The following ZNF488 variants were observed in gnomAD, a reference collection of about 807,000 sequenced individuals.
ZNF488 encodes zinc finger protein 488.
In ZNF488, 1 loss-of-function variant was observed where a neutral mutation model predicts 1.2. That is an observed-to-expected ratio of 0.86 (90% CI 0.30 to 4.07). The LOEUF is 4.07. ZNF488 is among the 30% of genes most tolerant of loss of function. ZNF488 has a pLI of 0.18. For synonymous variants in ZNF488, 185 were observed against 190.1 expected (o/e 0.97, Z 0.22); for missense variants, 450 against 437.9 (o/e 1.03, Z -0.25).
chr10:47,368,623 C>T lies in ZNF488; in HGVS notation c.207G>A (p.Val69=). ...CCAACAGTGCCAGCTCCGCACTGCC[C>T]ACATCCCGGCCCGCCCTGCCCACAG... ...EAAVGRAGRD[V]GSAELALLVA... is the part of the protein sequence containing the mutation. Residue 69 remains valine, a synonymous_variant, in exon 2 of 2, where the codon GTG becomes GTA. Coordinates refer to ENST00000585316, the MANE Select transcript of ZNF488 (RefSeq NM_153034.4). 6.2e-7 allele frequency: 1 copy of T among 1,610,606 alleles called. No homozygotes were observed. Among genetic ancestry groups the T allele is most frequent in the Non-Finnish European group, 8.5e-7 (1 of 1,179,858 alleles).
At chr10:47,376,384 C>T (rs1198278611) in intron 1 of ZNF488, among the ~76,000 whole-genome samples, 3 of 152,094 alleles carry the variant, frequency 2.0e-5, no homozygotes, top group East Asian at 1.9e-4. Flanking sequence ...AGGAATTCAG[C>T]GAGACAGAGA....
chr10:47,382,320 C>T (rs782634555), intron 1 of ZNF488, among the ~76,000 whole-genome samples: 5 of 152,256 alleles, frequency 3.3e-5, no homozygotes, highest in South Asian at 2.1e-4. Context: ...CTATTCCTTC[C>T]GACCTTCCCA....
chr10:47,376,489 G>C (rs777741352), intron 1 of ZNF488, among the ~76,000 whole-genome samples: 1 of 152,162 alleles, frequency 6.6e-6, no homozygotes, highest in Non-Finnish European at 1.5e-5. Flanking sequence ...GGAGAATAAG[G>C]AGAGAGAGTT....
chr10:47,376,627 C>G (rs1837691291), intron 1 of ZNF488, among the ~76,000 whole-genome samples: 1 of 152,130 alleles, frequency 6.6e-6, no homozygotes, highest in Non-Finnish European at 1.5e-5. Flanking sequence ...ACTCCCCACC[C>G]CATCCTCCTT....
intron 1 of ZNF488, among the ~76,000 whole-genome samples, chr10:47,378,225 G>A (rs1837768322): frequency 6.6e-6 from 1 of 152,238 alleles, no homozygotes. Flanking sequence ...TCCATGGATG[G>A]ACCAGCTTTC....
At chr10:47,383,871 G>A (rs1838078964) in intron 1 of ZNF488, among the ~76,000 whole-genome samples, 1 of 151,982 alleles carries the variant, frequency 6.6e-6, no homozygotes, top group Non-Finnish European at 1.5e-5. Context: ...ATTCTTGAGT[G>A]CTGAAAAAAC....
chr10:47,377,633 C>T (rs1837728705), intron 1 of ZNF488, among the ~76,000 whole-genome samples: 1 of 143,660 alleles, frequency 7.0e-6, no homozygotes, highest in Non-Finnish European at 1.5e-5. Context: ...CACACACACA[C>T]ACACATGGCT....
chr10:47,380,986 A>G (rs4996435), intron 1 of ZNF488, among the ~76,000 whole-genome samples: 4,545 of 98,854 alleles, frequency 0.046, no homozygotes, highest in African/African-American at 0.063. Context: ...ACTCCATGGC[A>G]GCCTTCCCAT....
chr10:47,381,453 C>T (rs566604600), intron 1 of ZNF488, among the ~76,000 whole-genome samples: 3 of 152,280 alleles, frequency 2.0e-5, no homozygotes, highest in African/African-American at 7.2e-5. Context: ...AGGGAATACA[C>T]CTGTTTCCAG....
intron 1 of ZNF488, among the ~76,000 whole-genome samples, chr10:47,373,536 A>T (rs1837557191): frequency 6.6e-6 from 1 of 152,208 alleles, no homozygotes. Flanking sequence ...AACATAATGC[A>T]TTTAAATAGG....
chr10:47,379,898 A>G (rs1465859429), intron 1 of ZNF488, among the ~76,000 whole-genome samples: 1 of 151,772 alleles, frequency 6.6e-6, no homozygotes, highest in East Asian at 1.9e-4. Flanking sequence ...GAGCACACAC[A>G]CTGCAGCCCA....
At chr10:47,375,660 A>G (rs779966948) in intron 1 of ZNF488, among the ~76,000 whole-genome samples, 26 of 152,250 alleles carry the variant, frequency 1.7e-4, no homozygotes, top group Admixed American at 1.7e-3. Flanking sequence ...TAGATCACTG[A>G]CAAACAAGTG....
intron 1 of ZNF488, among the ~76,000 whole-genome samples, chr10:47,376,285 C>G (rs1002308761): frequency 2.6e-5 from 4 of 152,066 alleles, no homozygotes; most frequent in Non-Finnish European, 5.9e-5. Flanking sequence ...ACGAGTTCAC[C>G]AATCAGGGAT....
intron 1 of ZNF488, among the ~76,000 whole-genome samples, chr10:47,377,600 T>TCACACACA (rs66911760): frequency 1.7e-5 from 2 of 114,654 alleles, no homozygotes; most frequent in Non-Finnish European, 3.6e-5. Flanking sequence ...AATAACAATC[T>TCACACACA]CACACACACA....
intron 1 of ZNF488, among the ~76,000 whole-genome samples, chr10:47,375,266 C>T (rs1555214287): frequency 6.6e-6 from 1 of 152,200 alleles, no homozygotes; most frequent in East Asian, 1.9e-4. Context: ...ACAGGCAATA[C>T]ATACTCAGAA....
At chr10:47,373,243 T>G (rs1333316180) in intron 1 of ZNF488, among the ~76,000 whole-genome samples, 1 of 152,190 alleles carries the variant, frequency 6.6e-6, no homozygotes, top group Non-Finnish European at 1.5e-5. Flanking sequence ...TCGGCAACAT[T>G]CTTAAAAGAA....
Position 47,368,483 on chromosome 10 carries a change from T to G in ZNF488, c.347A>C (p.Gln116Pro), listed in dbSNP as rs1360123982. The G allele has an allele frequency of 1.2e-6, 2 of 1,613,732 alleles. No homozygotes were observed. Among genetic ancestry groups the G allele is most frequent in the South Asian group, 2.2e-5 (2 of 91,058 alleles). ...PRMKDRQVDA[Q>P]AQEREHDDPT... is the part of the protein sequence containing the mutation. ...GTCATCGTGCTCCCTCTCCTGGGCC[T>G]GAGCATCCACCTGCCGGTCCTTCAT... Residue 116 changes from glutamine (Q) to proline (P), a missense_variant, in exon 2 of 2, where the codon CAG (glutamine) becomes CCG (proline). Gln to Pro is a moderately conservative substitution (Grantham distance 76). Transcript: ENST00000585316.
chr10:47,380,738 G>C (rs1373898738), intron 1 of ZNF488, among the ~76,000 whole-genome samples: 3 of 17,474 alleles, frequency 1.7e-4, no homozygotes, highest in Non-Finnish European at 4.7e-4. Context: ...TAGATGTTAA[G>C]TGCACGGGCT....
At chr10:47,383,458 T>G (rs1424884091) in intron 1 of ZNF488, among the ~76,000 whole-genome samples, 1 of 152,176 alleles carries the variant, frequency 6.6e-6, no homozygotes. Flanking sequence ...AGAAGGCAGG[T>G]GTGGGTGGGA....
Sources: gnomAD v4.1 joint callset for allele counts (sites outside exome capture counted in the v4.1 genomes callset) on GRCh38, gnomAD v4.1.1 for gene constraint, MANE v1.5 for transcripts, NCBI Gene and HGNC (gene_info 2026-07-23, HGNC 2026-07-21) for gene names.